ANP32A: variants seen among roughly 807,000 people sequenced by gnomAD.
ANP32A encodes the protein acidic leucine-rich nuclear phosphoprotein 32 family member A.
ANP32A carries 1 observed loss-of-function variant against 33.9 expected under a neutral mutation model. The ratio of observed to expected loss-of-function variants is 0.03; its 90% CI spans 0.01 to 0.14. The LOEUF is 0.14. Ranked by LOEUF, ANP32A falls within the 10% of genes least tolerant of loss-of-function variation. The pLI is 1.00. For synonymous variants in ANP32A, 115 were observed against 120.5 expected, an observed-to-expected ratio of 0.95 and a Z score of 0.30; for missense variants, 155 against 306.0, an observed-to-expected ratio of 0.51 and a Z score of 3.68.
At chr15:68,783,451 G>A (rs1233521799) in intron 4 of ANP32A, among the ~76,000 whole-genome samples, 2 of 152,162 alleles carry the variant, frequency 1.3e-5, no homozygotes, top group Non-Finnish European at 2.9e-5. Context: ...CACGCATCGA[G>A]TCACTAGTTG....
intron 1 of ANP32A, chr15:68,818,324 G>A: frequency 4.5e-6 from 1 of 222,520 alleles, no homozygotes. Flanking sequence ...GAAGGTGGGT[G>A]TGTGGGGGGC....
At chr15:68,792,317 T>C (rs1894007931) in intron 1 of ANP32A, 1 of 152,166 alleles carries the variant, frequency 6.6e-6, no homozygotes, top group Admixed American at 6.5e-5. Context: ...ATCAGAAGCT[T>C]TTCCAACACC....
At chr15:68,796,514 C>T (rs1236105084) in intron 1 of ANP32A, among the ~76,000 whole-genome samples, 2 of 152,196 alleles carry the variant, frequency 1.3e-5, no homozygotes, top group Admixed American at 1.3e-4. Context: ...CACACCCAGC[C>T]GCAGACTCGA....
At chr15:68,794,265 T>C (rs988883620) in intron 1 of ANP32A, among the ~76,000 whole-genome samples, 2 of 152,216 alleles carry the variant, frequency 1.3e-5, no homozygotes, top group East Asian at 1.9e-4. Context: ...AAGCTGTCTG[T>C]ACGGCTTCCT....
At chr15:68,797,819 T>G (rs550728488) in intron 1 of ANP32A, among the ~76,000 whole-genome samples, 111 of 151,928 alleles carry the variant, frequency 7.3e-4, no homozygotes, top group African/African-American at 2.6e-3. Context: ...TCCTCCTATC[T>G]CTCCCCCAAC....
rs945441162 is a variant in ANP32A, at chr15:68,779,166, C to T, written c.*915G>A. On this transcript the variant is annotated 3_prime_UTR_variant, in exon 7 of 7. Coordinates refer to ENST00000465139, the MANE Select transcript of ANP32A (RefSeq NM_006305.4). The stretch of plus-strand genomic sequence containing the variant: ...AATTTTGCGTTAGTTTTTCCGTGCT[C>T]GGGTGTATGAAAAAAAAAACCCAGC... 5 of 151,568 alleles carry T rather than the reference C, an allele frequency of 3.3e-5. No homozygotes were observed. The highest frequency in any genetic ancestry group is 5.9e-5 in the Non-Finnish European group (4 of 67,940). 9.4% of individuals were successfully genotyped at this position (151,568 alleles called of 1,614,324 possible).
intron 1 of ANP32A, among the ~76,000 whole-genome samples, chr15:68,792,764 G>A (rs1894013889): frequency 1.3e-5 from 2 of 152,110 alleles, no homozygotes; most frequent in South Asian, 2.1e-4. Context: ...AACAGGCCTC[G>A]ACCTAGAGGG....
chr15:68,807,308 C>T (rs540741326), intron 1 of ANP32A, among the ~76,000 whole-genome samples: 3 of 148,986 alleles, frequency 2.0e-5, no homozygotes, highest in Admixed American at 6.6e-5. Context: ...GCTAGGGTCA[C>T]GGAGCAACTG....
chr15:68,795,776 T>C (rs1265459862), intron 1 of ANP32A, among the ~76,000 whole-genome samples: 1 of 152,142 alleles, frequency 6.6e-6, no homozygotes, highest in Non-Finnish European at 1.5e-5. Flanking sequence ...GTTCCTTTGC[T>C]TCCTCCCCCT....
intron 4 of ANP32A, 140 bp downstream of exon 4, chr15:68,784,257 A>G: frequency 1.1e-6 from 1 of 907,646 alleles, no homozygotes. Flanking sequence ...GGAAGGTGGT[A>G]GCTACCAGAC....
intron 1 of ANP32A, among the ~76,000 whole-genome samples, chr15:68,798,830 C>T (rs976345673): frequency 3.3e-5 from 5 of 152,220 alleles, no homozygotes; most frequent in Admixed American, 3.3e-4. Context: ...GCCTCCTTCC[C>T]TGCCACCTCT....
rs2140379090 is a variant in ANP32A, at chr15:68,820,854, C to T, written c.-103G>A. ...TTTAGGACTTTGAAGGCTCAACCAG[C>T]TCCGCTCGGTTCTCGAGCCCCCAGC... On this transcript the variant is annotated 5_prime_UTR_variant, in exon 1 of 7. Coordinates refer to ENST00000465139, the MANE Select transcript of ANP32A (RefSeq NM_006305.4). The T allele has an allele frequency of 7.1e-7, 1 of 1,409,562 alleles. No individual in the cohort carries two copies. The highest frequency in any genetic ancestry group is 2.4e-5 in the East Asian group (1 of 42,344). The allele number at this position is 1,409,562 out of a possible 1,614,324, so 87.3% of individuals were successfully genotyped here. A position where few individuals can be genotyped will look rare whatever the true frequency, so the allele number is the denominator to read the frequency against.
At chr15:68,781,865 A>T (rs1893872680) in intron 5 of ANP32A, among the ~76,000 whole-genome samples, 1 of 152,012 alleles carries the variant, frequency 6.6e-6, no homozygotes, top group Non-Finnish European at 1.5e-5. Flanking sequence ...CGGCCTCCCA[A>T]AGTGCTAGGA....
At chr15:68,799,621 C>T (rs1408825806) in intron 1 of ANP32A, among the ~76,000 whole-genome samples, 1 of 152,144 alleles carries the variant, frequency 6.6e-6, no homozygotes, top group Non-Finnish European at 1.5e-5. Context: ...ACCATGGCAG[C>T]CAACACAGAT....
intron 1 of ANP32A, chr15:68,792,308 T>A (rs900471391): frequency 1.3e-5 from 2 of 152,184 alleles, no homozygotes; most frequent in Non-Finnish European, 2.9e-5. Context: ...TCTGCTTGTA[T>A]CAGAAGCTTT....
chr15:68,820,894 C>G lies in ANP32A; in HGVS notation c.-143G>C, dbSNP rs1202476230. ...GAGCCCCCAGCACCCGCGGCGCACA[C>G]TAACCTGATCGCCGTGGAGGCGGGA... On this transcript the variant is annotated 5_prime_UTR_variant, in exon 1 of 7. Transcript: ENST00000465139. The G allele has an allele frequency of 1.0e-6, 1 of 970,826 alleles. No individual in the cohort carries two copies. The highest frequency in any genetic ancestry group is 1.5e-6 in the Non-Finnish European group (1 of 649,868). 60.1% of individuals were successfully genotyped at this position (970,826 alleles called of 1,614,324 possible).
intron 1 of ANP32A, among the ~76,000 whole-genome samples, chr15:68,809,843 TGTG>T (rs1894289276): frequency 6.6e-6 from 1 of 152,232 alleles, no homozygotes; most frequent in Non-Finnish European, 1.5e-5. Flanking sequence ...CCAGGCACAG[TGTG>T]GAGCTCTGAA....
intron 1 of ANP32A, chr15:68,801,818 G>A (rs999989749): frequency 1.6e-5 from 2 of 123,412 alleles, no homozygotes; most frequent in Non-Finnish European, 3.6e-5. Flanking sequence ...AACCAACTGA[G>A]TCACACCAGA....
chr15:68,817,214 T>G (rs2140376477), intron 1 of ANP32A, among the ~76,000 whole-genome samples: 1 of 152,376 alleles, frequency 6.6e-6, no homozygotes, highest in Non-Finnish European at 1.5e-5. Flanking sequence ...TTTACTTTTT[T>G]CAAAAGCAAA....
Sources: allele counts gnomAD v4.1 joint callset (sites outside exome capture counted in the v4.1 genomes callset), GRCh38; gene constraint gnomAD v4.1.1; transcripts MANE v1.5; gene names NCBI Gene and HGNC (gene_info 2026-07-23, HGNC 2026-07-21).